Variants in GPC6 observed in about 807,000 individuals in gnomAD.
The protein encoded by GPC6 is glypican-6.
Under a neutral mutation model 55.2 loss-of-function variants are expected in GPC6, and 14 were observed. That is an observed-to-expected ratio of 0.25 (90% confidence interval 0.17 to 0.40). The LOEUF is 0.40. Among genes scored for constraint, GPC6 ranks in the 10% least tolerant of loss-of-function variants. The pLI is 1.00. For synonymous variants in GPC6, 278 were observed against 259.6 expected (o/e 1.07, Z -0.68); for missense variants, 641 against 708.5 (o/e 0.90, Z 1.08).
intron 1 of GPC6, among the ~76,000 whole-genome samples, chr13:93,342,868 A>T (rs1880306343): frequency 6.6e-6 from 1 of 152,208 alleles, no homozygotes; most frequent in African/African-American, 2.4e-5. Context: ...CTATTGTTTT[A>T]TATAAATGGA....
intron 1 of GPC6, among the ~76,000 whole-genome samples, chr13:93,280,467 C>T (rs1877912624): frequency 6.6e-6 from 1 of 152,220 alleles, no homozygotes. Flanking sequence ...GTCATTCATA[C>T]TTTCCTCACT....
chr13:93,682,842 T>C (rs1336116969), intron 2 of GPC6, among the ~76,000 whole-genome samples: 1 of 53,952 alleles, frequency 1.9e-5, no homozygotes, highest in Non-Finnish European at 4.9e-5. Flanking sequence ...ACCCTGTCTC[T>C]ACAAAAAAAA....
chr13:93,878,867 G>A (rs1289360522), intron 3 of GPC6, among the ~76,000 whole-genome samples: 1 of 152,150 alleles, frequency 6.6e-6, no homozygotes, highest in South Asian at 2.1e-4. Context: ...TGTTATATCA[G>A]CACAAATCGA....
intron 6 of GPC6, among the ~76,000 whole-genome samples, chr13:94,368,638 T>C (rs2139189556): frequency 6.7e-6 from 1 of 149,576 alleles, no homozygotes; most frequent in South Asian, 2.1e-4. Flanking sequence ...TGTTTATAGA[T>C]ATTTGGCCAT....
intron 2 of GPC6, among the ~76,000 whole-genome samples, chr13:93,722,475 G>A (rs1264243030): frequency 1.3e-5 from 2 of 151,700 alleles, no homozygotes; most frequent in Non-Finnish European, 2.9e-5. Flanking sequence ...TAAGACCTAA[G>A]TCTTACTAGT....
intron 1 of GPC6, among the ~76,000 whole-genome samples, chr13:93,502,660 A>G (rs1880564405): frequency 6.6e-6 from 1 of 152,166 alleles, no homozygotes; most frequent in Non-Finnish European, 1.5e-5. Flanking sequence ...ACAGTGTGAC[A>G]GCTATAGAGA....
intron 1 of GPC6, among the ~76,000 whole-genome samples, chr13:93,341,530 G>A (rs1594106899): frequency 6.6e-6 from 1 of 152,050 alleles, no homozygotes; most frequent in Admixed American, 6.6e-5. Flanking sequence ...AAGTTTGATG[G>A]CTGTGTACAT....
chr13:94,136,673 G>T (rs1245353016), intron 4 of GPC6, among the ~76,000 whole-genome samples: 1 of 152,156 alleles, frequency 6.6e-6, no homozygotes, highest in Non-Finnish European at 1.5e-5. Context: ...TCTTGCCACT[G>T]CACTCCAGCC....
intron 4 of GPC6, among the ~76,000 whole-genome samples, chr13:94,049,352 A>G (rs1283193065): frequency 6.6e-6 from 1 of 151,942 alleles, no homozygotes; most frequent in Non-Finnish European, 1.5e-5. Flanking sequence ...GGACTGACTG[A>G]TTCATAGTTA....
At chr13:94,372,706 C>G (rs1879624592) in intron 6 of GPC6, among the ~76,000 whole-genome samples, 1 of 152,164 alleles carries the variant, frequency 6.6e-6, no homozygotes, top group Admixed American at 6.5e-5. Flanking sequence ...CTGGGTGGAG[C>G]CCACCACAGC....
intron 2 of GPC6, among the ~76,000 whole-genome samples, chr13:93,602,090 T>C (rs1163045013): frequency 5.3e-5 from 8 of 152,170 alleles, no homozygotes; most frequent in African/African-American, 1.7e-4. Flanking sequence ...AAAAAATACA[T>C]AAATAGAAAG....
chr13:93,941,423 CA>C (rs1334543827), intron 3 of GPC6, among the ~76,000 whole-genome samples: 1 of 152,080 alleles, frequency 6.6e-6, no homozygotes, highest in Non-Finnish European at 1.5e-5. Flanking sequence ...ACTAGCCCAC[CA>C]TATAAATTCA....
At chr13:93,414,484 C>T (rs894721227) in intron 1 of GPC6, among the ~76,000 whole-genome samples, 4 of 152,174 alleles carry the variant, frequency 2.6e-5, no homozygotes, top group Non-Finnish European at 5.9e-5. Context: ...TTTCTTGGAA[C>T]TCTGAGGATG....
At chr13:93,696,673 G>A (rs1435740811) in intron 2 of GPC6, among the ~76,000 whole-genome samples, 2 of 147,348 alleles carry the variant, frequency 1.4e-5, no homozygotes, top group East Asian at 4.0e-4. Context: ...CCAGACTGGA[G>A]TGCAGTGGCA....
chr13:94,278,193 T>C (rs1892270064), intron 4 of GPC6, among the ~76,000 whole-genome samples: 1 of 152,278 alleles, frequency 6.6e-6, no homozygotes, highest in Non-Finnish European at 1.5e-5. Context: ...ATTCTCTTTG[T>C]AGCAATTGTC....
At chr13:94,045,887 T>C (rs1236060627) in intron 4 of GPC6, among the ~76,000 whole-genome samples, 1 of 151,956 alleles carries the variant, frequency 6.6e-6, no homozygotes, top group Non-Finnish European at 1.5e-5. Context: ...TTCTTAACAA[T>C]AAATTCTTTT....
chr13:93,867,271 T>C (rs570185889), intron 3 of GPC6, among the ~76,000 whole-genome samples: 11 of 151,898 alleles, frequency 7.2e-5, no homozygotes, highest in African/African-American at 2.6e-4. Context: ...ATTTTACAGT[T>C]GGTTTAATAA....
intron 2 of GPC6, among the ~76,000 whole-genome samples, chr13:93,671,823 A>T (rs1272021050): frequency 1.3e-5 from 2 of 152,018 alleles, no homozygotes; most frequent in East Asian, 3.9e-4. Context: ...GGTGGTGCTC[A>T]GGAGAGAACC....
intron 2 of GPC6, among the ~76,000 whole-genome samples, chr13:93,791,507 C>T (rs1054532608): frequency 1.3e-5 from 2 of 152,130 alleles, no homozygotes; most frequent in African/African-American, 2.4e-5. Flanking sequence ...CAAGGTTTAT[C>T]ACCAATCTTT....
Sources: gnomAD v4.1 joint callset for allele counts (sites outside exome capture counted in the v4.1 genomes callset) on GRCh38, gnomAD v4.1.1 for gene constraint, MANE v1.5 for transcripts, NCBI Gene and HGNC (gene_info 2026-07-23, HGNC 2026-07-21) for gene names.